The following NLRP14 variants were observed in gnomAD, a reference collection of about 807,000 sequenced individuals.
NLRP14 encodes NACHT, LRR and PYD domains-containing protein 14.
In NLRP14, 105 loss-of-function variants were observed where a neutral mutation model predicts 94.7. That is an observed-to-expected ratio of 1.11 (90% CI 0.95 to 1.30). The LOEUF (loss-of-function observed/expected upper bound fraction) is 1.30, where lower values mean the gene tolerates loss of function less well. Among genes scored for constraint, NLRP14 ranks in the 50% most tolerant of loss-of-function variants. The pLI, the probability that NLRP14 is intolerant of heterozygous loss-of-function variation, is 0.00. For missense variants in NLRP14, 1,362 were observed against 1,254.1 expected (o/e 1.09, Z -1.30); for synonymous variants, 508 against 459.9 (o/e 1.10, Z -1.34).
the NLRP14 span, chr11:7,089,541 C>T: frequency 1.7e-6 from 2 of 1,203,666 alleles, no homozygotes; most frequent in South Asian, 6.2e-5. Flanking sequence ...CGACCTGCGG[C>T]CCTCCAGGGC....
intron 10 of NLRP14, among the ~76,000 whole-genome samples, chr11:7,063,759 C>T (rs1852662613): frequency 6.6e-6 from 1 of 152,052 alleles, no homozygotes; most frequent in Non-Finnish European, 1.5e-5. Flanking sequence ...AACAAAACTC[C>T]AAGCATGTGA....
At chr11:7,077,461 C>T in the NLRP14 span, among the ~76,000 whole-genome samples, 4 of 152,224 alleles carry the variant, frequency 2.6e-5, no homozygotes, top group African/African-American at 9.7e-5. Flanking sequence ...TGGATGCTTA[C>T]CATTCATTGA....
chr11:7,090,814 C>G, the NLRP14 span: 1 of 172,638 alleles, frequency 5.8e-6, no homozygotes, highest in South Asian at 1.9e-4. Context: ...GCAACAACAA[C>G]AACAAAAGTG....
In NLRP14 at chr11:7,071,355, C is replaced by G; in HGVS notation, c.*47C>G. 1 of 1,499,520 alleles carries G rather than the reference C, an allele frequency of 6.7e-7. No individual in the cohort carries two copies. The highest frequency in any genetic ancestry group is 9.2e-7 in the Non-Finnish European group (1 of 1,089,638). The allele number at this position is 1,499,520 out of a possible 1,614,324, so 92.9% of individuals were successfully genotyped here. A position where few individuals can be genotyped will look rare whatever the true frequency, so the allele number is the denominator to read the frequency against. ...TTAAAAATATAAATATAAATACATA[C>G]ATACATAGATATATACCCAGACTTG... is the stretch of plus-strand genomic sequence containing the variant. On this transcript the variant is annotated 3_prime_UTR_variant, in exon 12 of 12. Transcript: ENST00000299481.
intron 3 of NLRP14, among the ~76,000 whole-genome samples, chr11:7,040,500 AC>A (rs1852232534): frequency 6.6e-6 from 1 of 152,188 alleles, no homozygotes; most frequent in African/African-American, 2.4e-5. Flanking sequence ...CCTGCCTCCT[AC>A]ATCCATGGAA....
At chr11:7,068,406 A>G (rs1402797634) in intron 10 of NLRP14, among the ~76,000 whole-genome samples, 2 of 152,142 alleles carry the variant, frequency 1.3e-5, no homozygotes, top group Non-Finnish European at 2.9e-5. Context: ...TTGATGTTGT[A>G]TGCAGTGTTT....
chr11:7,055,678 C>T (rs1183996132), intron 6 of NLRP14, among the ~76,000 whole-genome samples: 1 of 152,060 alleles, frequency 6.6e-6, no homozygotes, highest in East Asian at 1.9e-4. Context: ...CCGTTAAAAT[C>T]CTACCCTGAC....
chr11:7,046,752 C>G lies in NLRP14; in HGVS notation c.2043C>G (p.Tyr681Ter), dbSNP rs1485632770. 1 of 1,613,060 alleles carries G rather than the reference C, an allele frequency of 6.2e-7. No homozygotes were observed. The highest frequency in any genetic ancestry group is 1.3e-5 in the African/African-American group (1 of 75,032). The change falls in exon 5 of 12, where the codon TAC (tyrosine) becomes TAG (stop). Residue 681 changes from tyrosine to a stop codon, truncating the protein, a stop_gained. Transcript: ENST00000299481. LOFTEE classifies it high-confidence loss of function. ...AACACTTGAGAGAATTGGACCTGTA[C>G]CATAGCAACCTTGATAAATCAGCAA... The part of the protein sequence containing the change: ...TNEHLRELDL[Y>*]HSNLDKSAMN...
chr11:7,048,161 A>G (rs373679268), intron 5 of NLRP14, among the ~76,000 whole-genome samples: 13 of 152,322 alleles, frequency 8.5e-5, no homozygotes, highest in Admixed American at 5.9e-4. Flanking sequence ...ATTCCATTGT[A>G]TAACTATACT....
At chr11:7,077,473 G>A in the NLRP14 span, among the ~76,000 whole-genome samples, 1 of 152,246 alleles carries the variant, frequency 6.6e-6, no homozygotes, top group African/African-American at 2.4e-5. Flanking sequence ...ATTCATTGAA[G>A]TAACATAAAT....
At chr11:7,075,701 C>T (rs138205392), downstream of NLRP14, among the ~76,000 whole-genome samples, 191 of 152,270 alleles carry the variant, frequency 1.3e-3, no homozygotes, top group African/African-American at 4.2e-3. Context: ...AATATAGTCA[C>T]TAGTAATTGT....
intron 1 of NLRP14, among the ~76,000 whole-genome samples, chr11:7,030,888 C>T (rs1852082312): frequency 6.6e-6 from 1 of 152,172 alleles, no homozygotes; most frequent in Non-Finnish European, 1.5e-5. Flanking sequence ...GTTTGCTGAG[C>T]GCAGGGGATC....
chr11:7,057,377 C>T (rs529817949), intron 6 of NLRP14, among the ~76,000 whole-genome samples: 13 of 151,950 alleles, frequency 8.6e-5, no homozygotes, highest in East Asian at 3.9e-4. Flanking sequence ...TTGTAGTTAG[C>T]GGAAATTCCT....
the NLRP14 span, chr11:7,089,301 G>A: frequency 6.2e-7 from 1 of 1,606,858 alleles, no homozygotes; most frequent in Non-Finnish European, 8.5e-7. Context: ...AAGCCCCGCA[G>A]ACGCCAAGGC....
intron 10 of NLRP14, among the ~76,000 whole-genome samples, chr11:7,068,277 A>G (rs1004630978): frequency 3.9e-5 from 6 of 152,028 alleles, no homozygotes; most frequent in Admixed American, 1.3e-4. Context: ...TTATTTTACC[A>G]TTTACTAAAT....
the NLRP14 span, chr11:7,089,905 G>GCTACGGAGGTCGCGACCGTGA: frequency 6.2e-7 from 1 of 1,612,958 alleles, no homozygotes; most frequent in Non-Finnish European, 8.5e-7. Context: ...GACCGAGACG[G>GCTACGGAGGTCGCGACCGTGA]CTACGGAGGT....
chr11:7,053,486 C>T (rs1214592481), intron 6 of NLRP14, among the ~76,000 whole-genome samples: 2 of 143,990 alleles, frequency 1.4e-5, no homozygotes, highest in African/African-American at 5.2e-5. Flanking sequence ...TATATATATA[C>T]TTTAAAATAT....
At chr11:7,028,174 C>T (rs934474770) in intron 1 of NLRP14, among the ~76,000 whole-genome samples, 5 of 152,148 alleles carry the variant, frequency 3.3e-5, no homozygotes, top group East Asian at 1.9e-4. Flanking sequence ...AATTTGACTT[C>T]AATGTTTAAT....
At chr11:7,054,260 G>A (rs1340030799) in intron 6 of NLRP14, among the ~76,000 whole-genome samples, 1 of 152,068 alleles carries the variant, frequency 6.6e-6, no homozygotes, top group Non-Finnish European at 1.5e-5. Context: ...TAGTGCTGCA[G>A]TAAACATGGG....
Sources: gnomAD v4.1 joint callset for allele counts (sites outside exome capture counted in the v4.1 genomes callset) on GRCh38, gnomAD v4.1.1 for gene constraint, MANE v1.5 for transcripts, NCBI Gene and HGNC (gene_info 2026-07-23, HGNC 2026-07-21) for gene names.